Variants in LOC122539214 observed in about 807,000 individuals in gnomAD.
chr19:52,665,016 T>C, the LOC122539214 span, among the ~76,000 whole-genome samples: 1 of 152,204 alleles, frequency 6.6e-6, no homozygotes, highest in South Asian at 2.1e-4. Flanking sequence ...AACCTCAAAG[T>C]TGTCTAGGGC....
chr19:52,655,738 T>G, the LOC122539214 span: 1 of 762,618 alleles, frequency 1.3e-6, no homozygotes, highest in Non-Finnish European at 2.3e-6. Flanking sequence ...GTCATTACCT[T>G]CACACAAAAT....
At chr19:52,679,944 G>A in the LOC122539214 span, among the ~76,000 whole-genome samples, 5 of 152,138 alleles carry the variant, frequency 3.3e-5, no homozygotes, top group African/African-American at 1.2e-4. Flanking sequence ...ACTTTGAGAG[G>A]CTGAGGCGGG....
chr19:52,677,536 G>A, the LOC122539214 span, among the ~76,000 whole-genome samples: 1 of 151,446 alleles, frequency 6.6e-6, no homozygotes, highest in Non-Finnish European at 1.5e-5. Flanking sequence ...ATGGCGGTCT[G>A]AGGTAAAAGC....
chr19:52,652,998 A>T, the LOC122539214 span: 1 of 1,379,528 alleles, frequency 7.2e-7, no homozygotes. Context: ...CTCCAGTATG[A>T]ACTCTCTGAT....
the LOC122539214 span, among the ~76,000 whole-genome samples, chr19:52,678,519 G>T: frequency 6.6e-6 from 1 of 151,622 alleles, no homozygotes; most frequent in Non-Finnish European, 1.5e-5. Context: ...AAAAACAAGG[G>T]TGTCTCTTTT....
chr19:52,654,525 T>G, the LOC122539214 span: 1 of 463,032 alleles, frequency 2.2e-6, no homozygotes, highest in East Asian at 3.6e-5. Context: ...AAATATGATC[T>G]TCAAAGTTTA....
the LOC122539214 span, among the ~76,000 whole-genome samples, chr19:52,687,637 ATATATATATATATATATATAATG>A: frequency 1.7e-4 from 3 of 17,356 alleles, no homozygotes; most frequent in African/African-American, 8.6e-4. Flanking sequence ...TATAATGTAT[ATATATATATATATATATATAATG>A]TATATATATA....
the LOC122539214 span, among the ~76,000 whole-genome samples, chr19:52,682,756 G>C: frequency 6.6e-6 from 1 of 152,144 alleles, no homozygotes; most frequent in African/African-American, 2.4e-5. Context: ...TATCCTTCTA[G>C]CTCTTTGGGA....
the LOC122539214 span, among the ~76,000 whole-genome samples, chr19:52,660,188 A>G: frequency 3.9e-5 from 6 of 152,282 alleles, no homozygotes; most frequent in African/African-American, 1.4e-4. Flanking sequence ...GAAATTTTGC[A>G]TAGTCTTAGT....
chr19:52,681,764 T>C, the LOC122539214 span, among the ~76,000 whole-genome samples: 19 of 152,254 alleles, frequency 1.2e-4, no homozygotes, highest in African/African-American at 3.4e-4. Context: ...GAACATGAAA[T>C]AGGTTCAAGG....
chr19:52,652,863 A>C, the LOC122539214 span: 1 of 1,001,680 alleles, frequency 1.0e-6, no homozygotes, highest in Non-Finnish European at 1.6e-6. Context: ...ATGACATATG[A>C]CTGAAGGTCT....
chr19:52,680,076 G>A, the LOC122539214 span, among the ~76,000 whole-genome samples: 1 of 152,098 alleles, frequency 6.6e-6, no homozygotes, highest in Non-Finnish European at 1.5e-5. Context: ...CTACTTGAGA[G>A]GCTGAAGGAG....
chr19:52,686,611 C>A, the LOC122539214 span, among the ~76,000 whole-genome samples: 1 of 151,814 alleles, frequency 6.6e-6, no homozygotes, highest in South Asian at 2.1e-4. Flanking sequence ...ACTCGCTATG[C>A]CACCCAGGCT....
the LOC122539214 span, among the ~76,000 whole-genome samples, chr19:52,683,015 CAT>C: frequency 1.3e-5 from 2 of 152,114 alleles, no homozygotes; most frequent in Non-Finnish European, 2.9e-5. Flanking sequence ...AGATTATAGG[CAT>C]GTGCCACCAC....
At chr19:52,653,921 G>T in the LOC122539214 span, 1 of 1,029,888 alleles carries the variant, frequency 9.7e-7, no homozygotes, top group Non-Finnish European at 1.5e-6. Flanking sequence ...TCTCTCATGT[G>T]TTCTTCCTGG....
At chr19:52,687,943 CAA>C in the LOC122539214 span, among the ~76,000 whole-genome samples, 1 of 151,944 alleles carries the variant, frequency 6.6e-6, no homozygotes, top group East Asian at 1.9e-4. Context: ...ACTTCCAACT[CAA>C]TAAGTCACTG....
chr19:52,681,280 C>CAAAAAAAAAAAAAAAAAAAAAA, the LOC122539214 span, among the ~76,000 whole-genome samples: 2 of 75,426 alleles, frequency 2.7e-5, no homozygotes, highest in African/African-American at 9.5e-5. Context: ...GAGACTTTCT[C>CAAAAAAAAAAAAAAAAAAAAAA]AAAAAAAAAA....
the LOC122539214 span, among the ~76,000 whole-genome samples, chr19:52,685,482 T>TA: frequency 2.4e-4 from 37 of 151,478 alleles, no homozygotes; most frequent in South Asian, 2.1e-3. Context: ...AATTCTTCCT[T>TA]AAAAAAAAAT....
At chr19:52,689,111 T>C in the LOC122539214 span, among the ~76,000 whole-genome samples, 3 of 152,198 alleles carry the variant, frequency 2.0e-5, no homozygotes, top group South Asian at 4.1e-4. Context: ...TCACAAGATA[T>C]GTTATGCTAT....
Sources: gnomAD v4.1 joint callset for allele counts (sites outside exome capture counted in the v4.1 genomes callset) on GRCh38, gnomAD v4.1.1 for gene constraint, MANE v1.5 for transcripts.